Variants in NALCN observed in about 807,000 individuals in gnomAD.
NALCN encodes the protein sodium leak channel, non-selective.
A neutral mutation model predicts 225.3 loss-of-function variants in NALCN; 111 were observed. That is an observed-to-expected ratio of 0.49 (90% CI 0.42 to 0.58). The LOEUF (loss-of-function observed/expected upper bound fraction) is 0.58, where lower values mean the gene tolerates loss of function less well. Ranked by LOEUF, NALCN falls within the 20% of genes least tolerant of loss-of-function variation. The pLI is 0.00. For missense variants in NALCN, 1,378 were observed against 2,202.4 expected, an observed-to-expected ratio of 0.63 and a Z score of 7.49; for synonymous variants, 764 against 769.0, an observed-to-expected ratio of 0.99 and a Z score of 0.11.
At chr13:101,166,871 T>G (rs12583782) in intron 15 of NALCN, among the ~76,000 whole-genome samples, 1 of 152,118 alleles carries the variant, frequency 6.6e-6, no homozygotes, top group Admixed American at 6.5e-5. Flanking sequence ...AGGTCCTTAA[T>G]CCATTTTGAG....
intron 12 of NALCN, among the ~76,000 whole-genome samples, chr13:101,230,672 T>G (rs1240821166): frequency 6.6e-6 from 1 of 152,332 alleles, no homozygotes; most frequent in South Asian, 2.1e-4. Flanking sequence ...CGACAGGTCC[T>G]GTCCAACCCG....
chr13:101,065,162 C>T (rs1211116535), intron 40 of NALCN, among the ~76,000 whole-genome samples: 1 of 152,182 alleles, frequency 6.6e-6, no homozygotes, highest in Non-Finnish European at 1.5e-5. Context: ...GGCAGGGGTC[C>T]CTACGGGACA....
chr13:101,173,665 T>C (rs2038840790), intron 15 of NALCN, among the ~76,000 whole-genome samples: 2 of 152,108 alleles, frequency 1.3e-5, no homozygotes, highest in South Asian at 2.1e-4. Context: ...GGAGCAAAGA[T>C]GGAATTTGGA....
At chr13:101,338,903 C>T (rs866462796) in intron 7 of NALCN, among the ~76,000 whole-genome samples, 24 of 152,310 alleles carry the variant, frequency 1.6e-4, no homozygotes, top group South Asian at 1.0e-3. Context: ...TGCCTCTGCC[C>T]GGAGTTCTCT....
chr13:101,296,626 A>G (rs2043765789), intron 7 of NALCN, among the ~76,000 whole-genome samples: 4 of 152,218 alleles, frequency 2.6e-5, no homozygotes, highest in Admixed American at 2.6e-4. Context: ...AAACGACCAT[A>G]TTTTTGTTAA....
intron 2 of NALCN, 39 bp downstream of exon 2, chr13:101,398,980 A>G: frequency 7.9e-7 from 1 of 1,260,234 alleles, no homozygotes; most frequent in Middle Eastern, 1.9e-4. Flanking sequence ...TTTATCTCAC[A>G]TCCACATATG....
intron 7 of NALCN, among the ~76,000 whole-genome samples, chr13:101,334,237 G>A (rs746648580): frequency 2.0e-5 from 3 of 152,028 alleles, no homozygotes; most frequent in East Asian, 1.9e-4. Context: ...ACGAAGTAAC[G>A]AAGTGTCCAC....
chr13:101,368,224 A>G (rs1252580197), intron 6 of NALCN, among the ~76,000 whole-genome samples: 2 of 143,018 alleles, frequency 1.4e-5, no homozygotes, highest in South Asian at 2.2e-4. Flanking sequence ...TCATTGTTCA[A>G]TTCCCACCTA....
intron 7 of NALCN, among the ~76,000 whole-genome samples, chr13:101,302,660 C>A (rs534997798): frequency 2.6e-5 from 4 of 152,078 alleles, no homozygotes; most frequent in Non-Finnish European, 4.4e-5. Flanking sequence ...GTTCTAATAT[C>A]ATTTGTAATA....
intron 15 of NALCN, among the ~76,000 whole-genome samples, chr13:101,161,322 G>A (rs1288347300): frequency 6.6e-6 from 1 of 152,126 alleles, no homozygotes; most frequent in Non-Finnish European, 1.5e-5. Context: ...AACTCAACAT[G>A]CCCAAGGCTG....
chr13:101,112,892 T>C (rs1040253294), intron 18 of NALCN, among the ~76,000 whole-genome samples: 2 of 152,076 alleles, frequency 1.3e-5, no homozygotes, highest in Non-Finnish European at 2.9e-5. Flanking sequence ...TATTTAAATA[T>C]AACACATATA....
At position 101,144,788 on chromosome 13, in the gene NALCN, G is replaced by A. The variant is rs2037262608; in HGVS notation, c.1948C>T (p.Pro650Ser). Reference protein sequence around the residue: ...RPQMVKISKLPSDFTVPKIRE... With the variant: ...RPQMVKISKLSSDFTVPKIRE... ...ATTTTAGGAACTGTAAAATCTGAAG[G>A]AAGCTTTGAGATTTTCACCATTTGA... Residue 650 changes from proline (P) to serine (S), a missense_variant, in exon 16 of 44, where the codon CCT becomes TCT. Pro to Ser is a moderately conservative substitution (Grantham distance 74). Around this residue, in one of 19 missense-constraint regions of NALCN, gnomAD observed 62 missense variants for 143.6 expected, o/e 0.43. Coordinates refer to ENST00000251127, the MANE Select transcript of NALCN (RefSeq NM_052867.4). 1.2e-6 allele frequency: 2 copies of A among 1,609,956 alleles called. No individual in the cohort carries two copies. The highest frequency in any genetic ancestry group is 1.3e-5 in the African/African-American group (1 of 74,778).
chr13:101,268,691 C>T (rs2140245414), intron 10 of NALCN, among the ~76,000 whole-genome samples: 1 of 152,270 alleles, frequency 6.6e-6, no homozygotes, highest in South Asian at 2.1e-4. Flanking sequence ...TACAGAGATA[C>T]AAATATATCA....
At chr13:101,074,746 A>G in intron 35 of NALCN, 84 bp from the exon 36 acceptor site, 3 of 1,405,680 alleles carry the variant, frequency 2.1e-6, no homozygotes, top group Non-Finnish European at 2.8e-6. Context: ...GAGAGAGAAT[A>G]TTCAATCTAT....
At chr13:101,111,044 C>T in intron 19 of NALCN, 81 bp downstream of exon 19, 2 of 1,409,748 alleles carry the variant, frequency 1.4e-6, no homozygotes, top group Non-Finnish European at 2.0e-6. Flanking sequence ...GGGCTGACAG[C>T]CGTGACTGTG....
chr13:101,222,074 T>A (rs1323478578), intron 13 of NALCN, among the ~76,000 whole-genome samples: 2 of 152,146 alleles, frequency 1.3e-5, no homozygotes, highest in Non-Finnish European at 2.9e-5. Flanking sequence ...ATTTACACAG[T>A]TCTCATAATC....
intron 38 of NALCN, 62 bp from the exon 39 acceptor site, chr13:101,068,095 G>A (rs761525148): frequency 3.3e-5 from 33 of 997,106 alleles, no homozygotes; most frequent in Non-Finnish European, 4.2e-5. Context: ...ATTTTAGAAA[G>A]AGTAAAACAT....
intron 10 of NALCN, among the ~76,000 whole-genome samples, chr13:101,275,315 G>A (rs1487582967): frequency 2.0e-5 from 3 of 152,192 alleles, no homozygotes; most frequent in African/African-American, 7.2e-5. Flanking sequence ...GAAAACAGAG[G>A]CAGGCTCACA....
chr13:101,272,209 GTC>G (rs1183056468), intron 10 of NALCN, among the ~76,000 whole-genome samples: 1 of 152,122 alleles, frequency 6.6e-6, no homozygotes, highest in Non-Finnish European at 1.5e-5. Context: ...TTGACTGTGT[GTC>G]TCTGCATGCA....
Sources: allele counts gnomAD v4.1 joint callset (sites outside exome capture counted in the v4.1 genomes callset), GRCh38; gene constraint gnomAD v4.1.1; regional missense constraint gnomAD v4.1.1; transcripts MANE v1.5; gene names NCBI Gene and HGNC (gene_info 2026-07-23, HGNC 2026-07-21).